The following CEP162 variants were observed in gnomAD, a reference collection of about 807,000 sequenced individuals.
The protein encoded by CEP162 is centrosomal protein 162.
A neutral mutation model predicts 169.2 loss-of-function variants in CEP162; 141 were observed. The ratio of observed to expected loss-of-function variants is 0.83; its 90% CI spans 0.73 to 0.96. The LOEUF is 0.96. Among genes scored for constraint, CEP162 ranks in the 40% least tolerant of loss-of-function variants. The pLI is 0.00. For missense variants in CEP162, 1,600 were observed against 1,587.2 expected, an observed-to-expected ratio of 1.01 and a Z score of -0.14; for synonymous variants, 540 against 526.4, an observed-to-expected ratio of 1.03 and a Z score of -0.35.
intron 16 of CEP162, 75 bp from the exon 17 acceptor site, chr6:84,171,793 T>C: frequency 9.7e-6 from 5 of 513,816 alleles, no homozygotes; most frequent in South Asian, 1.2e-4. Context: ...GTGCTCATAA[T>C]AGATTAATCC....
At chr6:84,226,038 GTTGT>G (rs2099555603) in intron 2 of CEP162, among the ~76,000 whole-genome samples, 1 of 148,662 alleles carries the variant, frequency 6.7e-6, no homozygotes, top group Non-Finnish European at 1.5e-5. Flanking sequence ...GTAAGGAGGA[GTTGT>G]TTGTTTTTTT....
intron 13 of CEP162, among the ~76,000 whole-genome samples, chr6:84,179,154 A>G (rs2129226121): frequency 6.6e-6 from 1 of 152,346 alleles, no homozygotes. Context: ...AGAATGATTT[A>G]TAATCCTTTG....
intron 5 of CEP162, among the ~76,000 whole-genome samples, chr6:84,214,880 G>A (rs139347045): frequency 2.3e-3 from 344 of 152,240 alleles, no homozygotes; most frequent in African/African-American, 7.9e-3. Flanking sequence ...ACCATACAGA[G>A]GTTAAGACAC....
rs2099545756 is a variant in CEP162 at position 84,204,108 on chromosome 6, A to T, written c.572-12T>A. On this transcript the variant is annotated splice_polypyrimidine_tract_variant and intron_variant, in intron 6 of 26. Coordinates refer to ENST00000403245, the MANE Select transcript of CEP162 (RefSeq NM_014895.4). Reference sequence around the variant, plus strand: ...ATCACTGTAATTTTCTGAAGAAAGTAATTTTTAAAAGTACAAAGACCACAT... The same window carrying T: ...ATCACTGTAATTTTCTGAAGAAAGTTATTTTTAAAAGTACAAAGACCACAT... The T allele has an allele frequency of 1.3e-6, 2 of 1,519,090 alleles. No homozygotes were observed. Among genetic ancestry groups the T allele is most frequent in the Non-Finnish European group, 1.8e-6 (2 of 1,109,496 alleles). 94.1% of individuals were successfully genotyped at this position (1,519,090 alleles called of 1,614,324 possible).
At chr6:84,157,289 T>C (rs540536860) in intron 21 of CEP162, among the ~76,000 whole-genome samples, 2 of 152,336 alleles carry the variant, frequency 1.3e-5, no homozygotes, top group African/African-American at 4.8e-5. Flanking sequence ...ACATTTTACA[T>C]CCCTAGATTA....
chr6:84,155,569 G>A, intron 21 of CEP162, 59 bp from the exon 22 acceptor site: 2 of 1,160,776 alleles, frequency 1.7e-6, no homozygotes, highest in Non-Finnish European at 2.5e-6. Context: ...ATTCAGTAAA[G>A]TTTCAGGATA....
At chr6:84,138,580 C>T (rs964329970) in intron 25 of CEP162, among the ~76,000 whole-genome samples, 1 of 152,172 alleles carries the variant, frequency 6.6e-6, no homozygotes, top group Non-Finnish European at 1.5e-5. Flanking sequence ...GGCAGGGTGT[C>T]ATTACCTTTA....
intron 6 of CEP162, among the ~76,000 whole-genome samples, chr6:84,208,676 G>C (rs1313823464): frequency 6.6e-6 from 1 of 152,160 alleles, no homozygotes; most frequent in African/African-American, 2.4e-5. Context: ...TTGTAACTTA[G>C]GTAGATAAAC....
rs1588740336 is a variant in CEP162 at position 84,153,126 on chromosome 6, C to G, written c.3048G>C (p.Leu1016Phe). 2.5e-6 allele frequency: 4 copies of G among 1,610,072 alleles called. No homozygotes were observed. In the South Asian group the frequency reaches 4.4e-5, roughly 18 times the overall value. The change falls in exon 23 of 27, where the codon TTG becomes TTC. Residue 1016 changes from leucine (L) to phenylalanine (F), a missense_variant. Coordinates refer to ENST00000403245, the MANE Select transcript of CEP162 (RefSeq NM_014895.4). ...EQQEQLLACK[L>F]NQHDSPRIKA... ...TAATTCTGGGAGAGTCATGTTGATT[C>G]AATTTGCAGGCAAGTAGCTGCTCCT...
In CEP162 at chr6:84,159,580, T is replaced by C. The variant is rs1230900664; in HGVS notation, c.2781+1232A>G. The stretch of plus-strand genomic sequence containing the variant: ...TTTTTTTTTTTTTTTTTTTTTTTTT[T>C]TTGAGATGGAGTTTTGCTCCATCAC... On this transcript the variant is annotated intron_variant, in intron 21 of 26. Coordinates refer to ENST00000403245, the MANE Select transcript of CEP162 (RefSeq NM_014895.4). Among the ~76,000 whole-genome samples the C allele has an allele frequency of 1.2e-4, 12 of 101,116 alleles. No homozygotes were observed. The East Asian group carries it at 3.3e-3, about 28-fold the overall frequency. 66.3% of individuals were successfully genotyped at this position (101,116 alleles called of 152,430 possible).
intron 25 of CEP162, among the ~76,000 whole-genome samples, chr6:84,141,625 G>A (rs994949026): frequency 6.6e-6 from 1 of 152,074 alleles, no homozygotes; most frequent in Non-Finnish European, 1.5e-5. Flanking sequence ...CTACTAACTT[G>A]CCTTCCTCTG....
chr6:84,207,579 A>AG (rs1372010067), intron 6 of CEP162, among the ~76,000 whole-genome samples: 1 of 73,724 alleles, frequency 1.4e-5, no homozygotes, highest in Admixed American at 1.9e-4. Context: ...GGGCGGGGGG[A>AG]GGGGGGAAGG....
At position 84,152,980 on chromosome 6, in the gene CEP162, T is replaced by C; in HGVS notation, c.3194A>G (p.Asp1065Gly). Residue 1065 changes from aspartate to glycine, a missense_variant, in exon 23 of 27, where the codon GAT becomes GGT. Coordinates refer to ENST00000403245, the MANE Select transcript of CEP162 (RefSeq NM_014895.4). ...QNAELDVKKN[D>G]KDDEDFQSIE... Reference sequence around the variant, plus strand: ...AGACTGAAAATCTTCATCATCTTTATCATTTTTCTTGACGTCTAATTCAGC... The same window carrying C: ...AGACTGAAAATCTTCATCATCTTTACCATTTTTCTTGACGTCTAATTCAGC... 2 of 1,613,668 alleles carry C rather than the reference T, an allele frequency of 1.2e-6. No homozygotes were observed. Among genetic ancestry groups the C allele is most frequent in the Non-Finnish European group, 1.7e-6 (2 of 1,179,770 alleles).
chr6:84,189,671 T>C (rs2099538909), intron 11 of CEP162, among the ~76,000 whole-genome samples: 1 of 152,178 alleles, frequency 6.6e-6, no homozygotes. Flanking sequence ...TGGGCTCCTG[T>C]GTGGCCCAAG....
chr6:84,156,708 A>G (rs2099523332), intron 21 of CEP162, among the ~76,000 whole-genome samples: 2 of 151,742 alleles, frequency 1.3e-5, no homozygotes, highest in African/African-American at 4.9e-5. Context: ...CAATTCCACT[A>G]CTAGGATTGA....
intron 25 of CEP162, among the ~76,000 whole-genome samples, chr6:84,140,607 C>G (rs2081156348): frequency 6.6e-6 from 1 of 152,082 alleles, no homozygotes; most frequent in Admixed American, 6.6e-5. Context: ...CTCACTGAAG[C>G]CTTGAACTCC....
chr6:84,212,753 T>C (rs1281416314), intron 6 of CEP162, among the ~76,000 whole-genome samples: 1 of 152,134 alleles, frequency 6.6e-6, no homozygotes, highest in Non-Finnish European at 1.5e-5. Flanking sequence ...AAACCAGCTA[T>C]ATGCAGTCTA....
At chr6:84,160,700 A>T in intron 21 of CEP162, 112 bp downstream of exon 21, 2 of 651,402 alleles carry the variant, frequency 3.1e-6, no homozygotes, top group East Asian at 2.7e-5. Flanking sequence ...AAATACTTTA[A>T]AACAAAAATT....
intron 2 of CEP162, among the ~76,000 whole-genome samples, chr6:84,222,218 A>G (rs2099553989): frequency 6.6e-6 from 1 of 152,170 alleles, no homozygotes; most frequent in Non-Finnish European, 1.5e-5. Flanking sequence ...CCGAAATGCC[A>G]CAAATAAAGT....
Sources: allele counts gnomAD v4.1 joint callset (sites outside exome capture counted in the v4.1 genomes callset), GRCh38; gene constraint gnomAD v4.1.1; transcripts MANE v1.5; gene names NCBI Gene and HGNC (gene_info 2026-07-23, HGNC 2026-07-21).